BIRC6: variants seen among roughly 807,000 people sequenced by gnomAD.
The protein encoded by BIRC6 is baculoviral IAP repeat containing 6, also known as dual E2 ubiquitin-conjugating enzyme/E3 ubiquitin-protein ligase BIRC6.
A neutral mutation model predicts 503.3 loss-of-function variants in BIRC6; 98 were observed. The observed-to-expected ratio is 0.19, with a 90% confidence interval of 0.17 to 0.23. The LOEUF (loss-of-function observed/expected upper bound fraction) is 0.23, where lower values mean the gene tolerates loss of function less well. Ranked by LOEUF, BIRC6 falls within the 10% of genes least tolerant of loss-of-function variation. The pLI is 1.00. For missense variants in BIRC6, 5,360 were observed against 5,806.0 expected (o/e 0.92, Z 2.50); for synonymous variants, 2,240 against 2,078.7 (o/e 1.08, Z -2.11).
chr2:32,411,551 C>T (rs2041888428), intron 9 of BIRC6, among the ~76,000 whole-genome samples: 1 of 151,356 alleles, frequency 6.6e-6, no homozygotes, highest in Admixed American at 6.6e-5. Flanking sequence ...GATCTCAGCT[C>T]AGTGCAACCT....
chr2:32,513,134 C>G lies in BIRC6; in HGVS notation c.10548C>G (p.Leu3516=), dbSNP rs753339614. 2 of 1,613,400 alleles carry G rather than the reference C, an allele frequency of 1.2e-6. No individual in the cohort carries two copies. Among genetic ancestry groups the G allele is most frequent in the Non-Finnish European group, 8.5e-7 (1 of 1,179,584 alleles). ...ELLVEYDLPA[L]LDQELFELLF... Reference sequence around the variant, plus strand: ...TTGTAGAATATGACTTACCAGCACTCCTGGACCAAGAGCTCTTTGAGTAAG... The same window carrying G: ...TTGTAGAATATGACTTACCAGCACTGCTGGACCAAGAGCTCTTTGAGTAAG... The change falls in exon 54 of 74, where the codon CTC becomes CTG. Residue 3516 remains leucine, a synonymous_variant. Transcript: ENST00000421745.
chr2:32,386,112 TTA>T (rs754049368), intron 3 of BIRC6, among the ~76,000 whole-genome samples: 4 of 152,216 alleles, frequency 2.6e-5, no homozygotes, highest in Non-Finnish European at 4.4e-5. Context: ...CTGCAGGATG[TTA>T]GGATGATCAG....
At chr2:32,461,750 G>T (rs2048017695) in intron 23 of BIRC6, among the ~76,000 whole-genome samples, 1 of 152,044 alleles carries the variant, frequency 6.6e-6, no homozygotes. Context: ...AGATTGCCTG[G>T]ATTTTCCCCT....
At chr2:32,488,146 G>A (rs993925125) in intron 41 of BIRC6, among the ~76,000 whole-genome samples, 1 of 151,972 alleles carries the variant, frequency 6.6e-6, no homozygotes, top group South Asian at 2.1e-4. Context: ...TTCGAGACCA[G>A]CTTGGGCAAC....
Position 32,357,157 on chromosome 2 carries a change from C to G in BIRC6, c.-5C>G. 6.7e-7 allele frequency: 1 copy of G among 1,502,452 alleles called. No individual in the cohort carries two copies. The highest frequency in any genetic ancestry group is 8.8e-7 in the Non-Finnish European group (1 of 1,138,598). 93.1% of individuals were successfully genotyped at this position (1,502,452 alleles called of 1,614,324 possible). Reference sequence around the variant, plus strand: ...TAACGCGCTCGGCTTGCCCCCTGGCCCCGGATGGTGACTGGTGGTGGTGCT... The same window carrying G: ...TAACGCGCTCGGCTTGCCCCCTGGCGCCGGATGGTGACTGGTGGTGGTGCT... On this transcript the variant is annotated 5_prime_UTR_variant, in exon 1 of 74. Transcript: ENST00000421745. This position sits in a 1 kb window ranked among gnomAD's most constrained non-coding sequence, Gnocchi z 4.9.
intron 1 of BIRC6, among the ~76,000 whole-genome samples, chr2:32,371,351 G>A (rs1215529579): frequency 6.6e-6 from 1 of 151,648 alleles, no homozygotes; most frequent in Non-Finnish European, 1.5e-5. Context: ...TAACATTTTG[G>A]CATTTCTTTT....
intron 12 of BIRC6, among the ~76,000 whole-genome samples, chr2:32,433,359 GA>G (rs2044348657): frequency 6.6e-6 from 1 of 152,172 alleles, no homozygotes; most frequent in Non-Finnish European, 1.5e-5. Context: ...TGGGTACCAG[GA>G]ATTTGCACGT....
intron 23 of BIRC6, among the ~76,000 whole-genome samples, chr2:32,461,068 T>TCTCTCC (rs1366596293): frequency 3.7e-5 from 1 of 26,838 alleles, no homozygotes; most frequent in African/African-American, 1.1e-4. Context: ...TTCTCTTCTG[T>TCTCTCC]TCTCCTCTCC....
intron 2 of BIRC6, among the ~76,000 whole-genome samples, 174 bp from the exon 3 acceptor site, chr2:32,379,979 T>A (rs1473151098): frequency 6.6e-6 from 1 of 152,224 alleles, no homozygotes; most frequent in Non-Finnish European, 1.5e-5. Flanking sequence ...TTTAATTTTA[T>A]AATAGCCCTT....
At chr2:32,504,524 G>A (rs2053585424) in intron 49 of BIRC6, among the ~76,000 whole-genome samples, 1 of 151,892 alleles carries the variant, frequency 6.6e-6, no homozygotes, top group Non-Finnish European at 1.5e-5. Flanking sequence ...AAAATTAGCT[G>A]GGCGTGGTTG....
chr2:32,470,234 A>G lies in BIRC6; in HGVS notation c.6414A>G (p.Leu2138=), dbSNP rs1255199145. 1.3e-6 allele frequency: 2 copies of G among 1,572,306 alleles called. No homozygotes were observed. Among genetic ancestry groups the G allele is most frequent in the South Asian group, 1.2e-5 (1 of 85,582 alleles). The change falls in exon 31 of 74, where the codon TTA becomes TTG. Residue 2138 remains leucine, a synonymous_variant. Transcript: ENST00000421745. The stretch of plus-strand genomic sequence containing the variant: ...GTAATAGTGGAGTATTAGAAAGCTT[A>G]CTTAATCTCTTGGATAATTTATTGT... ...SLSNSGVLES[L]LNLLDNLLSP... is the part of the protein sequence containing the mutation.
chr2:32,513,012 T>A lies in BIRC6; in HGVS notation c.10426T>A (p.Cys3476Ser). Residue 3476 changes from cysteine to serine, a missense_variant, in exon 54 of 74, where the codon TGT becomes AGT. This residue lies in a region of BIRC6 where 878 missense variants were observed against 928.9 expected (regional missense o/e 0.95). Transcript: ENST00000421745. ...MKRSGRMNYM[C>S]PNSSTVEYGL... ...GAGAAGTGGCAGGATGAACTACATG[T>A]GTCCTAACTCCTCAACAGTAGAGTA... 2 of 1,613,944 alleles carry A rather than the reference T, an allele frequency of 1.2e-6. No individual in the cohort carries two copies. The highest frequency in any genetic ancestry group is 1.7e-4 in the Middle Eastern group (1 of 6,058).
intron 65 of BIRC6, among the ~76,000 whole-genome samples, chr2:32,562,640 T>C (rs1441798405): frequency 6.6e-6 from 1 of 152,202 alleles, no homozygotes; most frequent in Non-Finnish European, 1.5e-5. Flanking sequence ...CTGTTCTTTG[T>C]ACTGTCTCCA....
chr2:32,426,250 T>C (rs2043479840), intron 10 of BIRC6, among the ~76,000 whole-genome samples: 1 of 152,252 alleles, frequency 6.6e-6, no homozygotes, highest in Non-Finnish European at 1.5e-5. Context: ...TAGTAAAATA[T>C]GTAGGAACTT....
intron 45 of BIRC6, among the ~76,000 whole-genome samples, chr2:32,494,620 G>A (rs999558165): frequency 6.6e-6 from 1 of 152,000 alleles, no homozygotes; most frequent in East Asian, 1.9e-4. Flanking sequence ...TAAGGAATAG[G>A]GCTGGGCTCA....
intron 28 of BIRC6, 124 bp downstream of exon 28, chr2:32,468,235 A>G (rs2048764061): frequency 2.8e-6 from 3 of 1,078,308 alleles, no homozygotes; most frequent in East Asian, 2.6e-5. Flanking sequence ...AGGAAGTAGG[A>G]GATTAGCACG....
In BIRC6 at chr2:32,456,771, G is replaced by T. The variant is rs571883232; in HGVS notation, c.4753+2829G>T. Among the ~76,000 whole-genome samples, 3 of 152,080 alleles carry T rather than the reference G, an allele frequency of 2.0e-5. No homozygotes were observed. In the South Asian group the frequency reaches 6.2e-4, roughly 32 times the overall value. The stretch of plus-strand genomic sequence containing the variant: ...GTTCTTCAAATTCTCTATCTTTATT[G>T]GTTATTTTACCTGTTTGTTTTTTAG... On this transcript the variant is annotated intron_variant, in intron 23 of 73. Coordinates refer to ENST00000421745, the MANE Select transcript of BIRC6 (RefSeq NM_016252.4).
At chr2:32,576,582 T>G (rs1298566673) in intron 66 of BIRC6, among the ~76,000 whole-genome samples, 1 of 152,208 alleles carries the variant, frequency 6.6e-6, no homozygotes, top group Non-Finnish European at 1.5e-5. Context: ...CTTTGCTTTT[T>G]CTCACTTATT....
intron 44 of BIRC6, among the ~76,000 whole-genome samples, chr2:32,492,221 C>G (rs892659552): frequency 1.3e-5 from 2 of 152,058 alleles, no homozygotes; most frequent in African/African-American, 2.4e-5. Flanking sequence ...TAGTTGTCCT[C>G]AACAGCCCAG....
Sources: allele counts gnomAD v4.1 joint callset (sites outside exome capture counted in the v4.1 genomes callset), GRCh38; gene constraint gnomAD v4.1.1; regional missense constraint gnomAD v4.1.1; non-coding constraint Gnocchi (gnomAD v3.1); transcripts MANE v1.5; gene names NCBI Gene and HGNC (gene_info 2026-07-23, HGNC 2026-07-21).